CD200R1: variants seen among roughly 807,000 people sequenced by gnomAD.
CD200R1 encodes CD200 receptor 1.
Under a neutral mutation model 38.1 loss-of-function variants are expected in CD200R1, and 30 were observed. The observed-to-expected ratio is 0.79, with a 90% CI of 0.59 to 1.07. CD200R1 has a LOEUF of 1.07. Ranked by LOEUF, CD200R1 falls within the 50% of genes least tolerant of loss-of-function variation. The probability of loss-of-function intolerance (pLI) is 0.00; values close to 1 mark genes in which losing one functional copy is unlikely to be tolerated. For missense variants in CD200R1, 372 were observed against 415.4 expected (o/e 0.90, Z 0.91); for synonymous variants, 128 against 152.1 (o/e 0.84, Z 1.16).
chr3:112,965,803 A>G (rs1301488829), intron 1 of CD200R1, among the ~76,000 whole-genome samples: 1 of 152,096 alleles, frequency 6.6e-6, no homozygotes, highest in Admixed American at 6.6e-5. Flanking sequence ...GGAACACAGC[A>G]TGTTTGTAGA....
chr3:112,957,168 T>C (rs1280763099), intron 1 of CD200R1, among the ~76,000 whole-genome samples: 1 of 152,238 alleles, frequency 6.6e-6, no homozygotes, highest in Non-Finnish European at 1.5e-5. Flanking sequence ...AATTTAAAAC[T>C]GACGTCCTCT....
intron 2 of CD200R1, among the ~76,000 whole-genome samples, chr3:112,938,764 G>A (rs911070277): frequency 1.3e-5 from 2 of 151,842 alleles, no homozygotes; most frequent in African/African-American, 4.8e-5. Flanking sequence ...GAATGTCATC[G>A]AATGTCAAAA....
intron 1 of CD200R1, among the ~76,000 whole-genome samples, chr3:112,961,215 T>A (rs2107339615): frequency 6.6e-6 from 1 of 152,216 alleles, no homozygotes; most frequent in Middle Eastern, 3.4e-3. Context: ...AGTTGCTTCA[T>A]CTACATATAT....
chr3:112,941,221 A>G (rs1310013700), intron 2 of CD200R1, among the ~76,000 whole-genome samples: 1 of 151,654 alleles, frequency 6.6e-6, no homozygotes, highest in Non-Finnish European at 1.5e-5. Context: ...TAGGATGAGC[A>G]AGTTCTATTG....
In CD200R1 at chr3:112,975,033, T is replaced by A. The variant is rs1435651576; in HGVS notation, c.-176A>T. On this transcript the variant is annotated 5_prime_UTR_variant, in exon 1 of 8. Coordinates refer to ENST00000308611, the MANE Select transcript of CD200R1 (RefSeq NM_138806.4). Reference sequence around the variant, plus strand: ...CCCCTTCCTTCACGTCTATGTGGTTTAGCCTGGTTAGTAACTTGGACGAAC... The same window carrying A: ...CCCCTTCCTTCACGTCTATGTGGTTAAGCCTGGTTAGTAACTTGGACGAAC... 3 of 579,216 alleles carry A rather than the reference T, an allele frequency of 5.2e-6. No individual in the cohort carries two copies. The East Asian group carries it at 8.3e-5, about 16-fold the overall frequency. The allele number at this position is 579,216 out of a possible 1,614,324, so 35.9% of individuals were successfully genotyped here.
intron 2 of CD200R1, among the ~76,000 whole-genome samples, chr3:112,940,179 T>C (rs1036137794): frequency 2.6e-5 from 4 of 151,874 alleles, no homozygotes; most frequent in Non-Finnish European, 4.4e-5. Context: ...TCAAAATTCA[T>C]TGAAGACCTA....
At chr3:112,933,795 T>TA (rs892846470) in intron 2 of CD200R1, among the ~76,000 whole-genome samples, 3 of 151,924 alleles carry the variant, frequency 2.0e-5, no homozygotes, top group South Asian at 2.1e-4. Flanking sequence ...ATAGCTATCA[T>TA]AAAAAAAGAG....
intron 2 of CD200R1, among the ~76,000 whole-genome samples, chr3:112,939,946 C>G (rs1576135373): frequency 6.8e-6 from 1 of 146,570 alleles, no homozygotes; most frequent in South Asian, 2.1e-4. Context: ...CTAATCAAAA[C>G]AGCATGGTAC....
At chr3:112,938,639 G>A (rs1177469749) in intron 2 of CD200R1, among the ~76,000 whole-genome samples, 1 of 151,904 alleles carries the variant, frequency 6.6e-6, no homozygotes, top group African/African-American at 2.4e-5. Context: ...AAAAGTCCAG[G>A]AACAAATGGC....
chr3:112,936,815 T>C (rs1188134293), intron 2 of CD200R1, among the ~76,000 whole-genome samples: 1 of 152,222 alleles, frequency 6.6e-6, no homozygotes, highest in East Asian at 1.9e-4. Flanking sequence ...TCAGATCCCA[T>C]TTGTCAATTT....
intron 1 of CD200R1, among the ~76,000 whole-genome samples, chr3:112,948,442 G>A (rs1011129454): frequency 5.3e-5 from 8 of 152,188 alleles, no homozygotes; most frequent in Admixed American, 5.2e-4. Context: ...GAGGAAGGGA[G>A]CACGATAGTT....
chr3:112,956,883 A>G (rs905273739), intron 1 of CD200R1, among the ~76,000 whole-genome samples: 3 of 152,190 alleles, frequency 2.0e-5, no homozygotes, highest in Non-Finnish European at 4.4e-5. Flanking sequence ...GAGACCAAGG[A>G]CACTCTAGTC....
intron 1 of CD200R1, among the ~76,000 whole-genome samples, chr3:112,959,034 T>C (rs1013940896): frequency 2.6e-5 from 4 of 152,116 alleles, no homozygotes; most frequent in South Asian, 2.1e-4. Flanking sequence ...TTTCTTGTCA[T>C]GTTAAGCAGT....
intron 1 of CD200R1, 58 bp from the exon 2 acceptor site, chr3:112,947,982 C>G: frequency 9.8e-7 from 1 of 1,022,172 alleles, no homozygotes; most frequent in Non-Finnish European, 1.6e-6. Context: ...ATAGATCTGA[C>G]TCCTAGTTAA....
chr3:112,953,541 G>A (rs901610445), intron 1 of CD200R1, among the ~76,000 whole-genome samples: 1 of 152,114 alleles, frequency 6.6e-6, no homozygotes, highest in African/African-American at 2.4e-5. Flanking sequence ...TTCTTTACAT[G>A]CTTGGTAGAA....
At chr3:112,949,595 C>T (rs540287910) in intron 1 of CD200R1, among the ~76,000 whole-genome samples, 1 of 152,190 alleles carries the variant, frequency 6.6e-6, no homozygotes, top group South Asian at 2.1e-4. Flanking sequence ...CTTCAGTTAC[C>T]CAATTATGAA....
At chr3:112,935,268 A>T (rs927068316) in intron 2 of CD200R1, among the ~76,000 whole-genome samples, 5 of 152,238 alleles carry the variant, frequency 3.3e-5, no homozygotes, top group Admixed American at 2.6e-4. Flanking sequence ...AACATTTTAT[A>T]TAACAGCTGC....
rs528309783 is a variant in CD200R1 at position 112,923,068 on chromosome 3, A to G, written c.*609T>C. ...TAAAAGAATCTAAATATCCATCATT[A>G]GGGTTGTTTTTAATTAAATAATGAT... is the stretch of plus-strand genomic sequence containing the variant. On this transcript the variant is annotated 3_prime_UTR_variant, in exon 8 of 8. Transcript: ENST00000308611. 6 of 152,058 alleles carry G rather than the reference A, an allele frequency of 3.9e-5. No individual in the cohort carries two copies. Among genetic ancestry groups the G allele is most frequent in the African/African-American group, 1.4e-4 (6 of 41,556 alleles). 9.4% of individuals were successfully genotyped at this position (152,058 alleles called of 1,614,324 possible).
In CD200R1 at chr3:112,974,925, C is replaced by A; in HGVS notation, c.-68G>T. The A allele has an allele frequency of 1.6e-6, 2 of 1,259,396 alleles. No homozygotes were observed. Among genetic ancestry groups the A allele is most frequent in the Admixed American group, 1.7e-5 (1 of 57,632 alleles). 78.0% of individuals were successfully genotyped at this position (1,259,396 alleles called of 1,614,324 possible). Reference sequence around the variant, plus strand: ...CCACACAGGTACAGAAGGAACTGTGCGCATGGTGAGACCCTCTCTGGTCAA... The same window carrying A: ...CCACACAGGTACAGAAGGAACTGTGAGCATGGTGAGACCCTCTCTGGTCAA... On this transcript the variant is annotated 5_prime_UTR_variant, in exon 1 of 8. Transcript: ENST00000308611.
Sources: gnomAD v4.1 joint callset for allele counts (sites outside exome capture counted in the v4.1 genomes callset) on GRCh38, gnomAD v4.1.1 for gene constraint, MANE v1.5 for transcripts, NCBI Gene and HGNC (gene_info 2026-07-23, HGNC 2026-07-21) for gene names.